The following PTGR2 variants were observed in gnomAD, a reference collection of about 807,000 sequenced individuals.
PTGR2 encodes the protein 15-oxoprostaglandin 13-reductase.
Under a neutral mutation model 43.4 loss-of-function variants are expected in PTGR2, and 32 were observed. The ratio of observed to expected loss-of-function variants is 0.74; its 90% CI spans 0.56 to 0.99. The LOEUF is 0.99. Among genes scored for constraint, PTGR2 ranks in the 50% least tolerant of loss-of-function variants. The pLI is 0.00. For synonymous variants in PTGR2, 106 were observed against 139.2 expected, an observed-to-expected ratio of 0.76 and a Z score of 1.68; for missense variants, 373 against 420.0, an observed-to-expected ratio of 0.89 and a Z score of 0.98.
chr14:73,860,631 C>G lies in PTGR2; in HGVS notation c.130C>G (p.Leu44Val), dbSNP rs143104364. ...TGAAGGACAAGTACAAGTTAGAACTCTTTATCTTTCTGTGGATCCTTACAT... is the reference window on the plus strand; with the variant it reads ...TGAAGGACAAGTACAAGTTAGAACTGTTTATCTTTCTGTGGATCCTTACAT... ...INEGQVQVRT[L>V]YLSVDPYMRC... is the part of the protein sequence containing the mutation. The change falls in exon 3 of 10, where the codon CTT (leucine) becomes GTT (valine). Residue 44 changes from leucine (L) to valine (V), a missense_variant. Transcript: ENST00000555661. 81 of 1,486,428 alleles carry G rather than the reference C, an allele frequency of 5.4e-5. No homozygotes were observed. Among genetic ancestry groups the G allele is most frequent in the Non-Finnish European group, 6.3e-5 (68 of 1,076,024 alleles). 92.1% of individuals were successfully genotyped at this position (1,486,428 alleles called of 1,614,324 possible). A position where few individuals can be genotyped will look rare whatever the true frequency, so the allele number is the denominator to read the frequency against.
At chr14:73,878,927 G>T in intron 5 of PTGR2, 169 bp from the exon 6 acceptor site, 1 of 587,552 alleles carries the variant, frequency 1.7e-6, no homozygotes. Context: ...GGATGACATT[G>T]TCTGCCCTCA....
chr14:73,879,216 G>T lies in PTGR2; in HGVS notation c.640G>T (p.Ala214Ser). 3.1e-6 allele frequency: 5 copies of T among 1,614,052 alleles called. No homozygotes were observed. The highest frequency in any genetic ancestry group is 4.2e-6 in the Non-Finnish European group (5 of 1,180,010). The change falls in exon 6 of 10, where the codon GCA becomes TCA. Residue 214 changes from alanine (A) to serine (S), a missense_variant. Transcript: ENST00000555661. ...AATTAATTATAAAAAAGACAATGTGGCAGAACAGCTCCGTGAATCATGCCC... is the reference window on the plus strand; with the variant it reads ...AATTAATTATAAAAAAGACAATGTGTCAGAACAGCTCCGTGAATCATGCCC... Reference protein sequence around the residue: ...AAINYKKDNVAEQLRESCPAG... With the variant: ...AAINYKKDNVSEQLRESCPAG...
At chr14:73,881,925 A>G (rs1265998587) in intron 8 of PTGR2, among the ~76,000 whole-genome samples, 1 of 151,942 alleles carries the variant, frequency 6.6e-6, no homozygotes, top group African/African-American at 2.4e-5. Context: ...CTGGGATTAC[A>G]GGCACATGCC....
intron 5 of PTGR2, 147 bp from the exon 6 acceptor site, chr14:73,878,949 T>C (rs1005544837): frequency 1.5e-6 from 1 of 645,554 alleles, no homozygotes; most frequent in Non-Finnish European, 2.6e-6. Context: ...TTCTTTTAGT[T>C]TCAAATTACT....
intron 4 of PTGR2, among the ~76,000 whole-genome samples, chr14:73,875,441 G>T (rs754269858): frequency 6.6e-6 from 1 of 152,082 alleles, no homozygotes; most frequent in Non-Finnish European, 1.5e-5. Flanking sequence ...TGCCACCTGG[G>T]TTCAAGCGAT....
At chr14:73,860,286 T>C (rs1209055913) in intron 2 of PTGR2, among the ~76,000 whole-genome samples, 1 of 151,738 alleles carries the variant, frequency 6.6e-6, no homozygotes, top group African/African-American at 2.4e-5. Flanking sequence ...GCCAGCATGG[T>C]AAAACCCCAT....
chr14:73,852,696 A>T (rs554167802), intron 1 of PTGR2, among the ~76,000 whole-genome samples: 1 of 152,350 alleles, frequency 6.6e-6, no homozygotes, highest in East Asian at 1.9e-4. Context: ...CACAGGGCTC[A>T]GGGAGGTCAC....
chr14:73,857,416 C>A (rs1329582981), intron 1 of PTGR2, among the ~76,000 whole-genome samples: 1 of 151,616 alleles, frequency 6.6e-6, no homozygotes, highest in Non-Finnish European at 1.5e-5. Context: ...AGTTCAAGAC[C>A]CGCCTGGCCA....
intron 2 of PTGR2, among the ~76,000 whole-genome samples, chr14:73,859,879 G>A (rs1241647805): frequency 4.6e-5 from 5 of 108,602 alleles, no homozygotes; most frequent in Non-Finnish European, 7.9e-5. Context: ...TTTTTTTTTT[G>A]ACACGGAGTC....
intron 2 of PTGR2, 38 bp downstream of exon 2, chr14:73,858,937 A>G (rs770398861): frequency 9.1e-6 from 14 of 1,536,248 alleles, no homozygotes; most frequent in Admixed American, 1.7e-5. Context: ...CTGATCTTTG[A>G]TAAGTATTAA....
At chr14:73,880,988 G>A (rs1037015567) in intron 7 of PTGR2, among the ~76,000 whole-genome samples, 2 of 151,922 alleles carry the variant, frequency 1.3e-5, no homozygotes, top group African/African-American at 2.4e-5. Flanking sequence ...TAGTAGAGAC[G>A]GGGGTTTCAC....
rs1322585726 is a variant in PTGR2, at chr14:73,854,546, C to A, written c.-48+2603C>A. Among the ~76,000 whole-genome samples the A allele has an allele frequency of 5.3e-5, 8 of 152,098 alleles. No individual in the cohort carries two copies. In the East Asian group the frequency reaches 1.5e-3, roughly 29 times the overall value. On this transcript the variant is annotated intron_variant, in intron 1 of 9. Transcript: ENST00000555661. ...GAACTTTAATAGTATATTTTTCATG[C>A]TGATAAGCAGTGTTTGGACAAATCT... is the stretch of plus-strand genomic sequence containing the variant.
intron 2 of PTGR2, among the ~76,000 whole-genome samples, chr14:73,860,003 C>T (rs895788312): frequency 6.6e-6 from 1 of 151,814 alleles, no homozygotes; most frequent in Admixed American, 6.6e-5. Flanking sequence ...CGTGCGCCAC[C>T]ACGCCTGGCT....
intron 1 of PTGR2, among the ~76,000 whole-genome samples, chr14:73,855,929 A>G (rs1432266090): frequency 2.0e-5 from 3 of 151,010 alleles, no homozygotes; most frequent in African/African-American, 7.3e-5. Flanking sequence ...GGTGGCACGC[A>G]CCTGTAATCC....
intron 7 of PTGR2, among the ~76,000 whole-genome samples, chr14:73,880,522 C>T (rs1464763398): frequency 6.6e-6 from 1 of 150,672 alleles, no homozygotes; most frequent in Admixed American, 6.6e-5. Flanking sequence ...TTGCAGTGAG[C>T]CAAAATCATG....
chr14:73,877,974 A>T (rs1231752959), intron 5 of PTGR2: 1 of 152,212 alleles, frequency 6.6e-6, no homozygotes, highest in Non-Finnish European at 1.5e-5. Context: ...CCTGGGCAAC[A>T]TAGTAAGACT....
intron 1 of PTGR2, among the ~76,000 whole-genome samples, chr14:73,853,784 C>G (rs547558503): frequency 9.0e-6 from 1 of 110,914 alleles, no homozygotes; most frequent in South Asian, 2.9e-4. Context: ...GGGACTTTTT[C>G]CAAGTTCCCA....
In PTGR2 at chr14:73,874,217, GAT is replaced by G; in HGVS notation, c.348+12_348+13del. 1.2e-6 allele frequency: 2 copies of G among 1,601,184 alleles called. No individual in the cohort carries two copies. The highest frequency in any genetic ancestry group is 1.7e-6 in the Non-Finnish European group (2 of 1,171,876). On this transcript the variant is annotated splice_donor_5th_base_variant and intron_variant, in intron 4 of 9. Transcript: ENST00000555661. ...TGGATGGAAATAGCCTTGAAAAGGTGATATATATATGAACATATCTGATTTTT... is the reference window on the plus strand; with the variant it reads ...TGGATGGAAATAGCCTTGAAAAGGTGATATATATGAACATATCTGATTTTT...
At chr14:73,856,307 G>A (rs186249251) in intron 1 of PTGR2, among the ~76,000 whole-genome samples, 5 of 151,958 alleles carry the variant, frequency 3.3e-5, no homozygotes, top group East Asian at 3.9e-4. Flanking sequence ...GTGCAGTGGC[G>A]CAATCTTGGC....
Sources: gnomAD v4.1 joint callset for allele counts (sites outside exome capture counted in the v4.1 genomes callset) on GRCh38, gnomAD v4.1.1 for gene constraint, MANE v1.5 for transcripts, NCBI Gene and HGNC (gene_info 2026-07-23, HGNC 2026-07-21) for gene names.